The following LRRK1 variants were observed in gnomAD, a reference collection of about 807,000 sequenced individuals.
LRRK1 encodes the protein leucine rich repeat kinase 1.
A neutral mutation model predicts 209.1 loss-of-function variants in LRRK1; 113 were observed. The observed-to-expected ratio is 0.54, with a 90% CI of 0.46 to 0.63. The LOEUF is 0.63. Among genes scored for constraint, LRRK1 ranks in the 30% least tolerant of loss-of-function variants. The pLI, the probability that LRRK1 is intolerant of heterozygous loss-of-function variation, is 0.00. For missense variants in LRRK1, 2,284 were observed against 2,632.2 expected (o/e 0.87, Z 2.89); for synonymous variants, 1,144 against 1,099.7 (o/e 1.04, Z -0.80).
At chr15:100,927,524 G>A (rs992638499) in intron 2 of LRRK1, among the ~76,000 whole-genome samples, 3 of 152,156 alleles carry the variant, frequency 2.0e-5, no homozygotes, top group Admixed American at 2.0e-4. Context: ...CCTTCACTGT[G>A]TACTGTTCAA....
At chr15:100,933,911 T>C (rs2042251910) in intron 2 of LRRK1, among the ~76,000 whole-genome samples, 4 of 150,216 alleles carry the variant, frequency 2.7e-5, no homozygotes, top group Middle Eastern at 3.4e-3. Flanking sequence ...TGGAACTCAG[T>C]CTTAATTTCC....
chr15:100,927,802 C>T (rs1042701803), intron 2 of LRRK1, among the ~76,000 whole-genome samples: 1 of 152,236 alleles, frequency 6.6e-6, no homozygotes, highest in African/African-American at 2.4e-5. Flanking sequence ...TAAGGTCCCA[C>T]AGGTGGTACC....
Position 101,065,986 on chromosome 15 carries a change from G to T in LRRK1, c.5549G>T (p.Arg1850Leu). ...SMSSYSSSPP[R>L]QAARSPSSLP... ...TCCTCCTACTCCTCATCCCCACCCC[G>T]CCAGGCTGCCAGGTCCCCCTCAAGC... Residue 1850 changes from arginine to leucine, a missense_variant, in exon 32 of 34, where the codon CGC (arginine) becomes CTC (leucine). Arg to Leu is a moderately radical substitution (Grantham distance 102). This residue lies in a region of LRRK1 where 643 missense variants were observed against 695.9 expected (regional missense o/e 0.92). Coordinates refer to ENST00000388948, the MANE Select transcript of LRRK1 (RefSeq NM_024652.6). 6.2e-7 allele frequency: 1 copy of T among 1,613,830 alleles called. No individual in the cohort carries two copies. The highest frequency in any genetic ancestry group is 1.3e-5 in the African/African-American group (1 of 74,936).
chr15:101,066,100 C>T lies in LRRK1; in HGVS notation c.5663C>T (p.Ser1888Phe). 1 of 1,614,180 alleles carries T rather than the reference C, an allele frequency of 6.2e-7. No individual in the cohort carries two copies. The highest frequency in any genetic ancestry group is 8.5e-7 in the Non-Finnish European group (1 of 1,180,046). Residue 1888 changes from serine to phenylalanine, a missense_variant, in exon 32 of 34, where the codon TCC (serine) becomes TTC (phenylalanine). Ser to Phe is a radical substitution (Grantham distance 155). This residue lies in a region of LRRK1 where 643 missense variants were observed against 695.9 expected (regional missense o/e 0.92). Coordinates refer to ENST00000388948, the MANE Select transcript of LRRK1 (RefSeq NM_024652.6). ...ATGCTACATACGCCCGGTGCTGCCT[C>T]CGACAGGTCTGAGCATGACCTGACC... The part of the protein sequence containing the change: ...SDMLHTPGAA[S>F]DRSEHDLTPM...
intron 6 of LRRK1, among the ~76,000 whole-genome samples, chr15:100,994,719 G>A (rs759430421): frequency 1.6e-4 from 24 of 152,306 alleles, no homozygotes; most frequent in Non-Finnish European, 2.8e-4. Flanking sequence ...CTTCCCCAAA[G>A]CAGGTGGTAT....
intron 20 of LRRK1, 126 bp downstream of exon 20, chr15:101,029,358 G>C (rs1273063017): frequency 1.0e-6 from 1 of 997,566 alleles, no homozygotes; most frequent in Admixed American, 2.8e-5. Flanking sequence ...TGCCCCCTAC[G>C]GACAGGCCAG....
chr15:101,048,461 A>ATACTT, intron 21 of LRRK1, 33 bp from the exon 22 acceptor site: 2 of 1,589,706 alleles, frequency 1.3e-6, no homozygotes, highest in Non-Finnish European at 1.7e-6. Context: ...GGAGCCCAGA[A>ATACTT]TACTTAAGCA....
chr15:101,038,236 TGA>T (rs2034577781), intron 20 of LRRK1, among the ~76,000 whole-genome samples: 1 of 152,098 alleles, frequency 6.6e-6, no homozygotes, highest in African/African-American at 2.4e-5. Context: ...TGGGAGGGGA[TGA>T]GAGATAAAAA....
chr15:101,017,007 A>G (rs2033568568), intron 12 of LRRK1, among the ~76,000 whole-genome samples: 2 of 152,238 alleles, frequency 1.3e-5, no homozygotes, highest in Admixed American at 6.5e-5. Flanking sequence ...AGGGGAAGGT[A>G]TGGAGCTGTC....
Position 101,053,051 on chromosome 15 carries a change from C to A in LRRK1, c.3819C>A (p.His1273Gln). ...AGCCTGTGGCCGTCAAGCGCTTCCA[C>A]ATCAAAAAATTCAAGAACTTTGCTA... is the stretch of plus-strand genomic sequence containing the variant. ...QGQPVAVKRFHIKKFKNFANV... is the reference protein window; with the variant it reads ...QGQPVAVKRFQIKKFKNFANV... Residue 1273 changes from histidine (H) to glutamine (Q), a missense_variant, in exon 25 of 34, where the codon CAC becomes CAA. Physicochemically the swap from His to Gln is conservative, Grantham distance 24. Coordinates refer to ENST00000388948, the MANE Select transcript of LRRK1 (RefSeq NM_024652.6). 6.2e-7 allele frequency: 1 copy of A among 1,612,164 alleles called. No individual in the cohort carries two copies. Among genetic ancestry groups the A allele is most frequent in the South Asian group, 1.1e-5 (1 of 91,026 alleles).
intron 2 of LRRK1, among the ~76,000 whole-genome samples, chr15:100,927,130 C>G (rs2042130385): frequency 1.3e-5 from 2 of 152,194 alleles, no homozygotes; most frequent in Non-Finnish European, 2.9e-5. Context: ...TGATGAAATG[C>G]AGAATCTCAT....
At chr15:100,984,003 C>T (rs959459750) in intron 4 of LRRK1, among the ~76,000 whole-genome samples, 9 of 152,100 alleles carry the variant, frequency 5.9e-5, no homozygotes, top group Non-Finnish European at 1.2e-4. Flanking sequence ...TGGAAAAAAT[C>T]AATTGGAATG....
chr15:101,052,498 C>G (rs2035520363), intron 24 of LRRK1, among the ~76,000 whole-genome samples: 1 of 152,144 alleles, frequency 6.6e-6, no homozygotes, highest in East Asian at 1.9e-4. Flanking sequence ...AGCCCTAGCG[C>G]TGAGCCTTGG....
Position 101,066,165 on chromosome 15 carries a change from G to T in LRRK1, c.5728G>T (p.Val1910Leu). 2 of 1,612,992 alleles carry T rather than the reference G, an allele frequency of 1.2e-6. No individual in the cohort carries two copies. Among genetic ancestry groups the T allele is most frequent in the Non-Finnish European group, 1.7e-6 (2 of 1,179,344 alleles). Residue 1910 changes from valine to leucine, a missense_variant, in exon 32 of 34, where the codon GTG becomes TTG. By Grantham distance (32) the Val-to-Leu change is conservative. Transcript: ENST00000388948. ...GETFSQHLQA[V>L]KILAVRDLIW... ...GACCTTCAGCCAGCACCTGCAGGCC[G>T]TGAAGATCCTCGCCGTCAGAGACCT... is the stretch of plus-strand genomic sequence containing the variant.
intron 16 of LRRK1, 54 bp from the exon 17 acceptor site, chr15:101,025,911 G>A: frequency 1.3e-6 from 2 of 1,596,926 alleles, no homozygotes; most frequent in Non-Finnish European, 1.7e-6. Context: ...GCTCTGTCCT[G>A]TCCCTTGTTC....
At chr15:100,921,070 C>T (rs530802253) in intron 1 of LRRK1, among the ~76,000 whole-genome samples, 3 of 152,222 alleles carry the variant, frequency 2.0e-5, no homozygotes, top group Non-Finnish European at 4.4e-5. Flanking sequence ...CTGCAGTCCC[C>T]ATTCTGTACT....
rs923556561 is a variant in LRRK1, at chr15:101,071,738, A to C, written c.*2890A>C. 4.6e-5 allele frequency: 7 copies of C among 152,218 alleles called. No individual in the cohort carries two copies. Among genetic ancestry groups the C allele is most frequent in the Non-Finnish European group, 1.0e-4 (7 of 68,046 alleles). 9.4% of individuals were successfully genotyped at this position (152,218 alleles called of 1,614,324 possible). Reference sequence around the variant, plus strand: ...CTCCTCATAGGTAGAGTTGACAATAAGCACACAAACAAGTGAGATAGCAGG... The same window carrying C: ...CTCCTCATAGGTAGAGTTGACAATACGCACACAAACAAGTGAGATAGCAGG... On this transcript the variant is annotated 3_prime_UTR_variant, in exon 34 of 34. Transcript: ENST00000388948.
chr15:101,056,859 G>T lies in LRRK1; in HGVS notation c.4336G>T (p.Asp1446Tyr), dbSNP rs771887826. The change falls in exon 28 of 34, where the codon GAT becomes TAT. Residue 1446 changes from aspartate to tyrosine, a missense_variant. Asp to Tyr is a radical substitution (Grantham distance 160). Transcript: ENST00000388948. ...RPRIVYDEKV[D>Y]MFSYGMVLYE... is the part of the protein sequence containing the mutation. ...ACTTGGCTTGTTCTGTGCCCAGGTA[G>T]ATATGTTCTCCTATGGAATGGTGCT... 10 of 1,601,246 alleles carry T rather than the reference G, an allele frequency of 6.2e-6. No individual in the cohort carries two copies. Among genetic ancestry groups the T allele is most frequent in the African/African-American group, 1.3e-5 (1 of 74,506 alleles).
At chr15:100,947,009 C>A (rs534400610) in intron 2 of LRRK1, among the ~76,000 whole-genome samples, 3 of 151,932 alleles carry the variant, frequency 2.0e-5, no homozygotes, top group Non-Finnish European at 2.9e-5. Flanking sequence ...CCTGCTCTGT[C>A]ACCAGGCTGG....
Sources: gnomAD v4.1 joint callset for allele counts (sites outside exome capture counted in the v4.1 genomes callset) on GRCh38, gnomAD v4.1.1 for gene constraint, gnomAD v4.1.1 regional missense constraint, MANE v1.5 for transcripts, NCBI Gene and HGNC (gene_info 2026-07-23, HGNC 2026-07-21) for gene names.